The following TRIO variants were observed in gnomAD, a reference collection of about 807,000 sequenced individuals.
The protein encoded by TRIO is triple functional domain protein.
Under a neutral mutation model 351.9 loss-of-function variants are expected in TRIO, and 58 were observed. The ratio of observed to expected loss-of-function variants is 0.16; its 90% CI spans 0.13 to 0.21. The LOEUF is 0.21. TRIO is among the 10% of genes least tolerant of loss of function. The pLI is 1.00. For missense variants in TRIO, 3,201 were observed against 4,027.8 expected (o/e 0.79, Z 5.56); for synonymous variants, 1,758 against 1,595.7 (o/e 1.10, Z -2.42).
intron 33 of TRIO, among the ~76,000 whole-genome samples, chr5:14,418,138 G>A (rs1275342199): frequency 2.0e-5 from 3 of 152,246 alleles, no homozygotes; most frequent in African/African-American, 7.2e-5. Context: ...CTCGGAGCCA[G>A]TGGGGAGCTT....
intron 34 of TRIO, among the ~76,000 whole-genome samples, chr5:14,432,222 G>A (rs140809874): frequency 1.3e-5 from 2 of 152,280 alleles, no homozygotes; most frequent in African/African-American, 4.8e-5. Flanking sequence ...TTTTAGGGTA[G>A]GAAAAGGGAA....
intron 1 of TRIO, among the ~76,000 whole-genome samples, chr5:14,183,264 C>T (rs972064963): frequency 3.3e-5 from 5 of 152,090 alleles, no homozygotes; most frequent in Admixed American, 6.5e-5. Flanking sequence ...TTCTGTGGGA[C>T]GTATGTTGTG....
At chr5:14,198,976 G>A (rs1296705847) in intron 1 of TRIO, among the ~76,000 whole-genome samples, 2 of 151,982 alleles carry the variant, frequency 1.3e-5, no homozygotes, top group African/African-American at 4.8e-5. Context: ...GGTGGCTCAC[G>A]TCTATAATCC....
At chr5:14,282,571 A>T (rs1736094672) in intron 3 of TRIO, among the ~76,000 whole-genome samples, 1 of 148,962 alleles carries the variant, frequency 6.7e-6, no homozygotes, top group African/African-American at 2.6e-5. Flanking sequence ...ACTTTAAAAA[A>T]AAAACCTTTT....
chr5:14,376,744 G>C (rs544992644), intron 19 of TRIO, among the ~76,000 whole-genome samples: 1 of 152,202 alleles, frequency 6.6e-6, no homozygotes, highest in Non-Finnish European at 1.5e-5. Flanking sequence ...AGTTGTGTAA[G>C]CACTGTTCAT....
At chr5:14,295,073 T>A (rs1007949936) in intron 6 of TRIO, among the ~76,000 whole-genome samples, 1 of 152,176 alleles carries the variant, frequency 6.6e-6, no homozygotes, top group African/African-American at 2.4e-5. Context: ...GCCTGCTCCT[T>A]GTGTTGAATA....
At chr5:14,386,218 G>A (rs1746527283) in intron 21 of TRIO, among the ~76,000 whole-genome samples, 1 of 152,164 alleles carries the variant, frequency 6.6e-6, no homozygotes, top group Non-Finnish European at 1.5e-5. Context: ...AGGGATATCT[G>A]GGGGAGTGGC....
chr5:14,428,750 A>T lies in TRIO; in HGVS notation c.5203+8729A>T, dbSNP rs371906503. Reference sequence around the variant, plus strand: ...ATATTAGATCATCACAAAATTATATATATAGCAGAGTCATAAACAATGAGA... The same window carrying T: ...ATATTAGATCATCACAAAATTATATTTATAGCAGAGTCATAAACAATGAGA... On this transcript the variant is annotated intron_variant, in intron 34 of 56. Transcript: ENST00000344204. Among the ~76,000 whole-genome samples, 3 of 152,356 alleles carry T rather than the reference A, an allele frequency of 2.0e-5. No individual in the cohort carries two copies. In the South Asian group the frequency reaches 6.2e-4, roughly 32 times the overall value.
chr5:14,295,718 G>C (rs1737304373), intron 6 of TRIO, among the ~76,000 whole-genome samples: 1 of 152,218 alleles, frequency 6.6e-6, no homozygotes, highest in South Asian at 2.1e-4. Flanking sequence ...ACTTGGGAAT[G>C]GGAGGCCTTG....
At chr5:14,263,296 G>A (rs79589892) in intron 1 of TRIO, among the ~76,000 whole-genome samples, 2,463 of 152,268 alleles carry the variant, frequency 0.016, 61 homozygotes, top group African/African-American at 0.057. Context: ...TGTGCACTGA[G>A]AGAGGTTTTC....
chr5:14,330,681 A>G, intron 9 of TRIO, 97 bp from the exon 10 acceptor site: 1 of 1,384,384 alleles, frequency 7.2e-7, no homozygotes, highest in Non-Finnish European at 9.5e-7. Flanking sequence ...TTTCTTACAG[A>G]GTTTTAACAA....
intron 1 of TRIO, among the ~76,000 whole-genome samples, chr5:14,145,342 A>G (rs1204957526): frequency 6.6e-6 from 1 of 152,066 alleles, no homozygotes; most frequent in Non-Finnish European, 1.5e-5. Flanking sequence ...TTTTTGATTC[A>G]TTTTAGCAGA....
At chr5:14,397,284 G>C (rs1747688822) in intron 29 of TRIO, 130 bp downstream of exon 29, 1 of 702,062 alleles carries the variant, frequency 1.4e-6, no homozygotes, top group African/African-American at 1.8e-5. Flanking sequence ...ATTTCTTAAA[G>C]AATCAGTGTC....
rs199861793 is a variant in TRIO at position 14,381,156 on chromosome 5, C to T, written c.3474C>T (p.Gly1158=). The change falls in exon 21 of 57, where the codon GGC becomes GGT. Residue 1158 remains glycine (G), a synonymous_variant. Coordinates refer to ENST00000344204, the MANE Select transcript of TRIO (RefSeq NM_007118.4). ...CTTTGGAATGGATCCATGACAATGG[C>T]GAGTTCTACCTTTCCACACACACCT... ...KQALEWIHDN[G]EFYLSTHTST... The T allele has an allele frequency of 4.6e-5, 75 of 1,613,984 alleles. No individual in the cohort carries two copies. In the African/African-American group the frequency reaches 5.1e-4, roughly 11 times the overall value.
chr5:14,296,172 A>G (rs1274879461), intron 6 of TRIO, among the ~76,000 whole-genome samples: 3 of 152,128 alleles, frequency 2.0e-5, no homozygotes, highest in African/African-American at 7.2e-5. Context: ...AGATCAGGAA[A>G]TCAGATTGGG....
chr5:14,488,101 C>G lies in TRIO; in HGVS notation c.7473C>G (p.Ala2491=). The change falls in exon 48 of 57, where the codon GCC becomes GCG. Residue 2491 remains alanine (A), a synonymous_variant. Transcript: ENST00000344204. Reference sequence around the variant, plus strand: ...GCTCCTTCTGGAGCTCCATCCCCGCCTCCCCCGCCAGCCGACCCGGCTCCT... The same window carrying G: ...GCTCCTTCTGGAGCTCCATCCCCGCGTCCCCCGCCAGCCGACCCGGCTCCT... ...KGGSFWSSIP[A]SPASRPGSFT... 2 of 1,609,918 alleles carry G rather than the reference C, an allele frequency of 1.2e-6. No homozygotes were observed. Among genetic ancestry groups the G allele is most frequent in the Non-Finnish European group, 1.7e-6 (2 of 1,179,188 alleles).
At chr5:14,156,773 G>C (rs1192346236) in intron 1 of TRIO, among the ~76,000 whole-genome samples, 1 of 152,186 alleles carries the variant, frequency 6.6e-6, no homozygotes, top group Admixed American at 6.5e-5. Context: ...CTTCTGTTCA[G>C]CTCAGTGCCT....
chr5:14,471,682 A>G (rs1375542536), intron 38 of TRIO, among the ~76,000 whole-genome samples: 1 of 152,218 alleles, frequency 6.6e-6, no homozygotes, highest in Non-Finnish European at 1.5e-5. Context: ...ATGATACTTC[A>G]TAAGTAAGAA....
chr5:14,150,304 TA>T (rs761966342), intron 1 of TRIO, among the ~76,000 whole-genome samples: 1 of 145,878 alleles, frequency 6.9e-6, no homozygotes, highest in Admixed American at 6.9e-5. Context: ...TGCCAGGAGT[TA>T]GGGGGTGGGG....
Sources: allele counts gnomAD v4.1 joint callset (sites outside exome capture counted in the v4.1 genomes callset), GRCh38; gene constraint gnomAD v4.1.1; transcripts MANE v1.5; gene names NCBI Gene and HGNC (gene_info 2026-07-23, HGNC 2026-07-21).